SLC25A48: variants seen among roughly 807,000 people sequenced by gnomAD.
SLC25A48 encodes CTC-321K16.1.
SLC25A48 carries 29 observed loss-of-function variants against 32.2 expected under a neutral mutation model. That is an observed-to-expected ratio of 0.90 (90% CI 0.67 to 1.23). The LOEUF is 1.23. Among genes scored for constraint, SLC25A48 ranks in the 50% most tolerant of loss-of-function variants. SLC25A48 has a pLI of 0.00. For missense variants in SLC25A48, 399 were observed against 422.7 expected (o/e 0.94, Z 0.49); for synonymous variants, 164 against 172.3 (o/e 0.95, Z 0.38).
chr5:135,675,063 A>T (rs1753737446), intron 3 of SLC25A48, among the ~76,000 whole-genome samples: 1 of 152,030 alleles, frequency 6.6e-6, no homozygotes, highest in Admixed American at 6.5e-5. Flanking sequence ...CTGGGGAAAG[A>T]TGATACCTCA....
intron 3 of SLC25A48, among the ~76,000 whole-genome samples, chr5:135,775,849 C>G (rs1756543619): frequency 1.3e-5 from 2 of 151,474 alleles, no homozygotes; most frequent in Admixed American, 6.6e-5. Flanking sequence ...TTGTACGCCC[C>G]TTTTGTGATA....
intron 1 of SLC25A48, among the ~76,000 whole-genome samples, chr5:135,836,042 G>A (rs1482361824): frequency 6.6e-6 from 1 of 152,230 alleles, no homozygotes; most frequent in Non-Finnish European, 1.5e-5. Context: ...CTTTTTGACT[G>A]GACAATTATT....
chr5:135,832,579 G>A (rs539915294), upstream of SLC25A48, among the ~76,000 whole-genome samples: 22 of 152,236 alleles, frequency 1.4e-4, no homozygotes, highest in African/African-American at 3.9e-4. Flanking sequence ...CCTGTAGAAC[G>A]ATGGACTCCC....
intron 3 of SLC25A48, among the ~76,000 whole-genome samples, chr5:135,798,629 C>A (rs951380476): frequency 6.6e-6 from 1 of 151,596 alleles, no homozygotes; most frequent in Non-Finnish European, 1.5e-5. Flanking sequence ...TTTTGCACCC[C>A]CTGCTGTGAT....
chr5:135,829,548 T>A (rs1272483177), intron 4 of SLC25A48, among the ~76,000 whole-genome samples: 1 of 152,168 alleles, frequency 6.6e-6, no homozygotes, highest in Non-Finnish European at 1.5e-5. Flanking sequence ...CCCAGGGCAC[T>A]GGGATGGTAT....
At chr5:135,615,448 T>A (rs934428306) in intron 1 of SLC25A48, among the ~76,000 whole-genome samples, 1 of 152,204 alleles carries the variant, frequency 6.6e-6, no homozygotes, top group African/African-American at 2.4e-5. Flanking sequence ...TCTGTGTAAC[T>A]TTTAACTTGA....
At chr5:135,614,832 T>A (rs1308681288) in intron 1 of SLC25A48, among the ~76,000 whole-genome samples, 1 of 152,152 alleles carries the variant, frequency 6.6e-6, no homozygotes, top group Non-Finnish European at 1.5e-5. Flanking sequence ...TGGTGTGAGA[T>A]GATTGGAACA....
At position 135,850,479 on chromosome 5, in the gene SLC25A48, G is replaced by C; in HGVS notation, c.145G>C (p.Val49Leu). 3 of 1,614,128 alleles carry C rather than the reference G, an allele frequency of 1.9e-6. No individual in the cohort carries two copies. Among genetic ancestry groups the C allele is most frequent in the South Asian group, 1.1e-5 (1 of 91,090 alleles). The change falls in exon 3 of 8, where the codon GTG becomes CTG. Residue 49 changes from valine (V) to leucine (L), a missense_variant. Coordinates refer to ENST00000681962, the MANE Select transcript of SLC25A48 (RefSeq NM_001349336.2). The stretch of plus-strand genomic sequence containing the variant: ...AAACACCCTCAGCTGCATCCGCGTG[G>C]TGTACAGGAGGGAGAGTGTAAGTGC... ...YGNTLSCIRVVYRRESMFGFF... is the reference protein window; with the variant it reads ...YGNTLSCIRVLYRRESMFGFF...
chr5:135,711,828 C>T (rs1362426317), intron 3 of SLC25A48, among the ~76,000 whole-genome samples: 1 of 152,052 alleles, frequency 6.6e-6, no homozygotes, highest in African/African-American at 2.4e-5. Context: ...TTATTGATTA[C>T]CCCATCCCTC....
intron 3 of SLC25A48, among the ~76,000 whole-genome samples, chr5:135,753,694 C>G (rs1755826085): frequency 6.6e-6 from 1 of 151,772 alleles, no homozygotes; most frequent in African/African-American, 2.4e-5. Context: ...GGTGTACACA[C>G]AGGATGTACA....
At chr5:135,676,652 T>C (rs889153929) in intron 3 of SLC25A48, among the ~76,000 whole-genome samples, 2 of 152,038 alleles carry the variant, frequency 1.3e-5, no homozygotes, top group African/African-American at 2.4e-5. Context: ...GGTTTTGGTA[T>C]GTTGTGTTTC....
At chr5:135,596,885 A>T (rs889367749) in intron 1 of SLC25A48, among the ~76,000 whole-genome samples, 1 of 152,078 alleles carries the variant, frequency 6.6e-6, no homozygotes, top group Non-Finnish European at 1.5e-5. Context: ...TAGCGTAATG[A>T]TTGGGGGTGC....
intron 3 of SLC25A48, among the ~76,000 whole-genome samples, chr5:135,685,932 C>CTTGG (rs1244646888): frequency 6.6e-6 from 1 of 152,174 alleles, no homozygotes; most frequent in Non-Finnish European, 1.5e-5. Flanking sequence ...GTTCAGTAGA[C>CTTGG]TTGGTGTTCC....
chr5:135,766,379 C>T (rs1023847336), intron 3 of SLC25A48, among the ~76,000 whole-genome samples: 1 of 151,350 alleles, frequency 6.6e-6, no homozygotes, highest in Admixed American at 6.6e-5. Flanking sequence ...TGATATTACT[C>T]CCCATGTCGG....
chr5:135,766,924 A>G (rs1445499428), intron 3 of SLC25A48, among the ~76,000 whole-genome samples: 1 of 151,858 alleles, frequency 6.6e-6, no homozygotes, highest in East Asian at 1.9e-4. Context: ...GTGGTTCATA[A>G]TATCCAGGTG....
intron 3 of SLC25A48, among the ~76,000 whole-genome samples, chr5:135,680,081 C>T (rs1442932601): frequency 1.3e-5 from 2 of 152,182 alleles, no homozygotes; most frequent in Non-Finnish European, 2.9e-5. Flanking sequence ...GGCTGCCTCG[C>T]TTACCTTTCC....
At chr5:135,863,611 A>T (rs1024494222) in intron 4 of SLC25A48, among the ~76,000 whole-genome samples, 1 of 152,208 alleles carries the variant, frequency 6.6e-6, no homozygotes, top group South Asian at 2.1e-4. Context: ...GTTAATGCCC[A>T]TTCCATTATC....
At chr5:135,672,620 G>A (rs1753682157) in intron 3 of SLC25A48, among the ~76,000 whole-genome samples, 1 of 152,178 alleles carries the variant, frequency 6.6e-6, no homozygotes, top group Non-Finnish European at 1.5e-5. Context: ...TGGTTGGGCA[G>A]CCAGATCCTG....
intron 1 of SLC25A48, among the ~76,000 whole-genome samples, chr5:135,586,719 A>C (rs976798941): frequency 3.3e-5 from 5 of 152,182 alleles, no homozygotes; most frequent in Non-Finnish European, 7.4e-5. Flanking sequence ...AGGAAACTGT[A>C]GGATGCTAAC....
Sources: allele counts gnomAD v4.1 joint callset (sites outside exome capture counted in the v4.1 genomes callset), GRCh38; gene constraint gnomAD v4.1.1; transcripts MANE v1.5; gene names NCBI Gene and HGNC (gene_info 2026-07-23, HGNC 2026-07-21).